The following AMZ1 variants were observed in gnomAD, a reference collection of about 807,000 sequenced individuals.
AMZ1 encodes archaemetzincin-1.
AMZ1 carries 39 observed loss-of-function variants against 29.9 expected under a neutral mutation model. That is an observed-to-expected ratio of 1.30 (90% CI 1.01 to 1.70). The LOEUF (loss-of-function observed/expected upper bound fraction) is 1.70, where lower values mean the gene tolerates loss of function less well. AMZ1 is among the 40% of genes most tolerant of loss of function. AMZ1 has a pLI of 0.00. For missense variants in AMZ1, 1,041 were observed against 680.6 expected, an observed-to-expected ratio of 1.53 and a Z score of -5.89; for synonymous variants, 458 against 304.0, an observed-to-expected ratio of 1.51 and a Z score of -5.27.
At chr7:2,754,017 A>G (rs1218196600) in intron 4 of AMZ1, among the ~76,000 whole-genome samples, 1 of 152,004 alleles carries the variant, frequency 6.6e-6, no homozygotes. Flanking sequence ...CTACATCTAA[A>G]CCCTTAAGTT....
chr7:2,721,715 C>CA (rs35321742), downstream of AMZ1, among the ~76,000 whole-genome samples: 14,059 of 124,894 alleles, frequency 0.11, 799 homozygotes, highest in South Asian at 0.17. Flanking sequence ...GACTACGTCT[C>CA]AAAAAAAAAA....
chr7:2,711,786 G>A (rs1015228276), intron 6 of AMZ1, among the ~76,000 whole-genome samples: 2 of 152,034 alleles, frequency 1.3e-5, no homozygotes, highest in African/African-American at 4.8e-5. Flanking sequence ...GCTCACACCT[G>A]TAATCCCAGC....
intron 4 of AMZ1, chr7:2,733,460 G>T: frequency 6.2e-7 from 1 of 1,613,754 alleles, no homozygotes; most frequent in South Asian, 1.1e-5. Context: ...CCAGCTGGCC[G>T]ATCCGGTCCA....
chr7:2,704,926 C>CT (rs1293924569), intron 3 of AMZ1, among the ~76,000 whole-genome samples: 5 of 152,234 alleles, frequency 3.3e-5, no homozygotes, highest in African/African-American at 1.2e-4. Flanking sequence ...TCTCAGTTGC[C>CT]TATGACACTT....
chr7:2,751,408 A>AAC (rs1036112513), intron 4 of AMZ1, among the ~76,000 whole-genome samples: 1 of 151,896 alleles, frequency 6.6e-6, no homozygotes, highest in African/African-American at 2.4e-5. Flanking sequence ...AGAAAAAAAA[A>AAC]AAAAACAGCT....
chr7:2,704,920 A>T (rs1788263929), intron 3 of AMZ1, among the ~76,000 whole-genome samples: 1 of 152,134 alleles, frequency 6.6e-6, no homozygotes, highest in African/African-American at 2.4e-5. Flanking sequence ...TATAGGTCTC[A>T]GTTGCCTATG....
In AMZ1 at chr7:2,701,702, C is replaced by T. The variant is rs111933050; in HGVS notation, c.304+947C>T. ...AGGGCTGGTGTCCGCTTCTGACCAG[C>T]GCACCACGCCTTTCGGCATCTCGAC... On this transcript the variant is annotated intron_variant, in intron 2 of 6. Transcript: ENST00000683327. Among the ~76,000 whole-genome samples, 193 of 152,346 alleles carry T rather than the reference C, an allele frequency of 1.3e-3. 1 individual carries two copies. The highest frequency in any genetic ancestry group is 2.0e-3 in the African/African-American group (84 of 41,580).
chr7:2,720,358 A>AAAGAG (rs1188683570), downstream of AMZ1, among the ~76,000 whole-genome samples: 1 of 152,218 alleles, frequency 6.6e-6, no homozygotes, highest in African/African-American at 2.4e-5. Context: ...GCTGTGACAA[A>AAAGAG]AAGAGAAAGA....
In AMZ1 at chr7:2,718,784, C is replaced by T. The variant is rs148995710; in HGVS notation, c.*5906C>T. ...GGGCAGGCCAGGGCCGAGCTGCGTC[C>T]GGCTCTCAGGGACTTCCTCTCCCTG... On this transcript the variant is annotated 3_prime_UTR_variant, in exon 7 of 7. Coordinates refer to ENST00000683327, the MANE Select transcript of AMZ1 (RefSeq NM_001384743.1). Among the ~76,000 whole-genome samples the T allele has an allele frequency of 7.2e-5, 11 of 152,160 alleles. No individual in the cohort carries two copies. The highest frequency in any genetic ancestry group is 1.3e-4 in the Admixed American group (2 of 15,276).
At chr7:2,757,656 C>T (rs1791367526) in intron 4 of AMZ1, among the ~76,000 whole-genome samples, 2 of 152,134 alleles carry the variant, frequency 1.3e-5, no homozygotes, top group South Asian at 2.1e-4. Flanking sequence ...ACATCTGTGC[C>T]GTTTTAAGTT....
chr7:2,702,989 C>A, intron 3 of AMZ1, 100 bp downstream of exon 3: 1 of 1,416,942 alleles, frequency 7.1e-7, no homozygotes. Flanking sequence ...ACCTTTTCTT[C>A]CTTTTTGCTG....
intron 1 of AMZ1, among the ~76,000 whole-genome samples, chr7:2,689,180 A>C (rs1272810324): frequency 1.3e-5 from 2 of 152,184 alleles, no homozygotes; most frequent in Non-Finnish European, 2.9e-5. Flanking sequence ...AGCTGCTGGG[A>C]GGTTTTGCAA....
intron 1 of AMZ1, among the ~76,000 whole-genome samples, chr7:2,698,855 A>G (rs1156937410): frequency 1.3e-5 from 2 of 152,152 alleles, no homozygotes; most frequent in Non-Finnish European, 2.9e-5. Flanking sequence ...AATCAGGGTT[A>G]GTTAGAGAAT....
rs2115100049 is a variant in AMZ1, at chr7:2,700,217, G to C, written c.-218-17G>C. On this transcript the variant is annotated splice_polypyrimidine_tract_variant and intron_variant, in intron 1 of 6. Coordinates refer to ENST00000683327, the MANE Select transcript of AMZ1 (RefSeq NM_001384743.1). ...TGTGCTCGGCAGTGAGGGGACCCCT[G>C]TTCGTGTCATCCACAGGGTGCTGTG... The C allele has an allele frequency of 1.7e-6, 1 of 577,664 alleles. No homozygotes were observed. Among genetic ancestry groups the C allele is most frequent in the Non-Finnish European group, 3.1e-6 (1 of 325,530 alleles). 35.8% of individuals were successfully genotyped at this position (577,664 alleles called of 1,614,324 possible). A position where few individuals can be genotyped will look rare whatever the true frequency, so the allele number is the denominator to read the frequency against.
rs191339021 is a variant in AMZ1 at position 2,716,436 on chromosome 7, G to C, written c.*3558G>C. 7.9e-5 allele frequency: 12 copies of C among 152,258 alleles called. No homozygotes were observed. The highest frequency in any genetic ancestry group is 2.7e-4 in the African/African-American group (11 of 41,464). The allele number at this position is 152,258 out of a possible 1,614,324, so 9.4% of individuals were successfully genotyped here. ...CCACCCGTTTCCAGAGCATGGGTGA[G>C]GAGGGAGGGATGCCGACCTGTTAAT... On this transcript the variant is annotated 3_prime_UTR_variant, in exon 7 of 7. Coordinates refer to ENST00000683327, the MANE Select transcript of AMZ1 (RefSeq NM_001384743.1).
Position 2,712,764 on chromosome 7 carries a change from G to A in AMZ1, c.1383G>A (p.Val461=), listed in dbSNP as rs1308235828. 1 of 1,596,704 alleles carries A rather than the reference G, an allele frequency of 6.3e-7. No individual in the cohort carries two copies. The highest frequency in any genetic ancestry group is 8.5e-7 in the Non-Finnish European group (1 of 1,169,996). The change falls in exon 7 of 7, where the codon GTG becomes GTA. Residue 461 remains valine, a synonymous_variant. Transcript: ENST00000683327. ...ACCCACCCAGCAGCAGGGACAGCGT[G>A]GGGCTGCGCAAGGTGCTGGGGGACA... ...RQDPPSSRDS[V]GLRKVLGDKF... is the part of the protein sequence containing the mutation.
At chr7:2,749,911 C>G (rs530528086) in intron 4 of AMZ1, among the ~76,000 whole-genome samples, 1 of 152,054 alleles carries the variant, frequency 6.6e-6, no homozygotes, top group Non-Finnish European at 1.5e-5. Flanking sequence ...ATCTTTGGGG[C>G]AATTCCTAAA....
At chr7:2,701,089 GGT>G (rs1340193837) in intron 2 of AMZ1, among the ~76,000 whole-genome samples, 1 of 152,180 alleles carries the variant, frequency 6.6e-6, no homozygotes, top group Non-Finnish European at 1.5e-5. Flanking sequence ...GATCACGCCG[GGT>G]GTGGTGGTGC....
chr7:2,759,298 G>C (rs1200025200), intron 4 of AMZ1, among the ~76,000 whole-genome samples: 1 of 152,092 alleles, frequency 6.6e-6, no homozygotes, highest in Non-Finnish European at 1.5e-5. Context: ...ACAGGCAAAA[G>C]GAAACAAAGC....
Sources: allele counts gnomAD v4.1 joint callset (sites outside exome capture counted in the v4.1 genomes callset), GRCh38; gene constraint gnomAD v4.1.1; transcripts MANE v1.5; gene names NCBI Gene and HGNC (gene_info 2026-07-23, HGNC 2026-07-21).